Variants in SCHIP1 observed in about 807,000 individuals in gnomAD.
SCHIP1 encodes schwannomin-interacting protein 1.
A neutral mutation model predicts 29.7 loss-of-function variants in SCHIP1; 8 were observed. That is an observed-to-expected ratio of 0.27 (90% confidence interval 0.16 to 0.49). SCHIP1 has a LOEUF of 0.49. SCHIP1 is among the 20% of genes least tolerant of loss of function. The pLI, the probability that SCHIP1 is intolerant of heterozygous loss-of-function variation, is 0.99. For missense variants in SCHIP1, 193 were observed against 294.6 expected (o/e 0.66, Z 2.52); for synonymous variants, 76 against 94.9 (o/e 0.80, Z 1.16).
At chr3:159,279,639 T>C in the SCHIP1 span, among the ~76,000 whole-genome samples, 1 of 152,016 alleles carries the variant, frequency 6.6e-6, no homozygotes, top group Non-Finnish European at 1.5e-5. Context: ...CTAGATCTGC[T>C]TGATGTTAAT....
the SCHIP1 span, among the ~76,000 whole-genome samples, chr3:159,295,749 A>G: frequency 6.6e-6 from 1 of 152,190 alleles, no homozygotes; most frequent in Admixed American, 6.5e-5. Context: ...AAAACTATAT[A>G]TGCTTATGTG....
the SCHIP1 span, among the ~76,000 whole-genome samples, chr3:159,376,960 A>G: frequency 6.6e-6 from 1 of 152,194 alleles, no homozygotes; most frequent in Non-Finnish European, 1.5e-5. Context: ...TATCTGATTA[A>G]TTTTGTAAGC....
the SCHIP1 span, among the ~76,000 whole-genome samples, chr3:159,773,247 C>T: frequency 6.6e-6 from 1 of 152,264 alleles, no homozygotes; most frequent in East Asian, 1.9e-4. Context: ...GACTATTTTG[C>T]ACTAAACCTT....
the SCHIP1 span, among the ~76,000 whole-genome samples, chr3:159,485,257 C>T: frequency 1.3e-5 from 2 of 152,152 alleles, no homozygotes; most frequent in East Asian, 1.9e-4. Flanking sequence ...GGGTCAGGTC[C>T]GTAGTGGCTC....
At chr3:159,356,821 C>T in the SCHIP1 span, among the ~76,000 whole-genome samples, 3 of 152,312 alleles carry the variant, frequency 2.0e-5, no homozygotes, top group Admixed American at 1.3e-4. Flanking sequence ...TAGAACAGAG[C>T]TTTCATTATA....
chr3:159,646,996 G>T, the SCHIP1 span, among the ~76,000 whole-genome samples: 2 of 151,866 alleles, frequency 1.3e-5, no homozygotes, highest in Non-Finnish European at 2.9e-5. Flanking sequence ...AGAGAGATCT[G>T]GGCTAAGGAT....
chr3:159,543,033 G>GTATA, the SCHIP1 span, among the ~76,000 whole-genome samples: 31 of 150,026 alleles, frequency 2.1e-4, no homozygotes, highest in African/African-American at 6.9e-4. Context: ...GTGTGTATGT[G>GTATA]TATATATATA....
the SCHIP1 span, among the ~76,000 whole-genome samples, chr3:159,492,268 T>G: frequency 6.6e-6 from 1 of 152,178 alleles, no homozygotes; most frequent in Non-Finnish European, 1.5e-5. Flanking sequence ...TTTGACGAGT[T>G]GAGAGAAGAA....
At chr3:159,765,323 T>C in the SCHIP1 span, 3 of 658,290 alleles carry the variant, frequency 4.6e-6, no homozygotes, top group Non-Finnish European at 4.7e-6. Context: ...GTCTGTGAGC[T>C]GTCTGGGTTT....
intron 4 of SCHIP1, chr3:159,888,485 A>G (rs1236472491): frequency 9.1e-6 from 2 of 219,754 alleles, no homozygotes; most frequent in African/African-American, 2.3e-5. Context: ...ATAAATTATT[A>G]AATAGTAGCT....
At chr3:159,693,813 A>T in the SCHIP1 span, among the ~76,000 whole-genome samples, 51,790 of 152,174 alleles carry the variant, frequency 0.34, 14,478 homozygotes, top group African/African-American at 0.77. Context: ...AGCCTTCTTA[A>T]TTTTTAAGAT....
the SCHIP1 span, among the ~76,000 whole-genome samples, chr3:159,304,809 A>T: frequency 2.6e-5 from 4 of 152,126 alleles, no homozygotes; most frequent in African/African-American, 7.2e-5. Context: ...ATTTAGCCAC[A>T]TCACTTCCTG....
the SCHIP1 span, among the ~76,000 whole-genome samples, chr3:159,586,590 A>G: frequency 6.6e-6 from 1 of 152,170 alleles, no homozygotes; most frequent in African/African-American, 2.4e-5. Context: ...GGATGGCATC[A>G]CAGCAGATCC....
the SCHIP1 span, chr3:159,309,152 A>AC: frequency 2.4e-4 from 55 of 228,484 alleles, no homozygotes; most frequent in Non-Finnish European, 3.3e-4. Flanking sequence ...AAATTAAAAA[A>AC]AAACAATTAT....
chr3:159,773,277 A>G, the SCHIP1 span, among the ~76,000 whole-genome samples: 6 of 152,220 alleles, frequency 3.9e-5, no homozygotes, highest in African/African-American at 1.2e-4. Flanking sequence ...TCAAGTGTCA[A>G]TTGTGAAATT....
At chr3:159,780,646 C>T in the SCHIP1 span, among the ~76,000 whole-genome samples, 11 of 152,286 alleles carry the variant, frequency 7.2e-5, no homozygotes, top group African/African-American at 2.6e-4. Context: ...TACATAGAGA[C>T]ATCAGGGTTC....
the SCHIP1 span, among the ~76,000 whole-genome samples, chr3:159,790,666 A>T: frequency 6.6e-6 from 1 of 152,198 alleles, no homozygotes; most frequent in African/African-American, 2.4e-5. Flanking sequence ...AGCCTGGGTG[A>T]CAGAGCGAGA....
the SCHIP1 span, among the ~76,000 whole-genome samples, chr3:159,409,578 A>C: frequency 6.6e-6 from 1 of 152,252 alleles, no homozygotes; most frequent in South Asian, 2.1e-4. Flanking sequence ...ACTTAACCAA[A>C]AAAGTAAAAT....
chr3:159,423,488 G>A, the SCHIP1 span, among the ~76,000 whole-genome samples: 116 of 152,336 alleles, frequency 7.6e-4, 2 homozygotes, highest in South Asian at 5.0e-3. Context: ...ACTGCAAGGC[G>A]GCAGCGAGGC....
Sources: allele counts gnomAD v4.1 joint callset (sites outside exome capture counted in the v4.1 genomes callset), GRCh38; gene constraint gnomAD v4.1.1; transcripts MANE v1.5; gene names NCBI Gene and HGNC (gene_info 2026-07-23, HGNC 2026-07-21).